The following TNRC6A variants were observed in gnomAD, a reference collection of about 807,000 sequenced individuals.
TNRC6A encodes trinucleotide repeat containing adaptor 6A.
In TNRC6A, 44 loss-of-function variants were observed where a neutral mutation model predicts 221.2. That is an observed-to-expected ratio of 0.20 (90% CI 0.16 to 0.26). The LOEUF is 0.26. Among genes scored for constraint, TNRC6A ranks in the 10% least tolerant of loss-of-function variants. The pLI, the probability that TNRC6A is intolerant of heterozygous loss-of-function variation, is 1.00. For missense variants in TNRC6A, 2,199 were observed against 2,404.4 expected (o/e 0.91, Z 1.79); for synonymous variants, 847 against 838.5 (o/e 1.01, Z -0.18).
At chr16:24,787,766 T>A (rs2058006213) in intron 5 of TNRC6A, among the ~76,000 whole-genome samples, 1 of 152,212 alleles carries the variant, frequency 6.6e-6, no homozygotes, top group Non-Finnish European at 1.5e-5. Flanking sequence ...TTTCCAGATC[T>A]TCTTTTGCTT....
In TNRC6A at chr16:24,730,247, T is replaced by C; in HGVS notation, c.6-6T>C. The stretch of plus-strand genomic sequence containing the variant: ...TTTTGTTTTTGTTTTTGTTTTTTTG[T>C]TTCAGAGAATTGGAAGCTAAAGCTA... On this transcript the variant is annotated splice_region_variant and splice_polypyrimidine_tract_variant and intron_variant, in intron 1 of 24. Coordinates refer to ENST00000395799, the MANE Select transcript of TNRC6A (RefSeq NM_014494.4). The C allele has an allele frequency of 6.2e-7, 1 of 1,601,784 alleles. No homozygotes were observed. Among genetic ancestry groups the C allele is most frequent in the Non-Finnish European group, 8.5e-7 (1 of 1,176,436 alleles).
chr16:24,771,516 C>CATGTTATATGTTATGTT (rs1555502072), intron 4 of TNRC6A, among the ~76,000 whole-genome samples: 2 of 88,048 alleles, frequency 2.3e-5, no homozygotes, highest in Admixed American at 1.3e-4. Context: ...GAGCCTGGTG[C>CATGTTATATGTTATGTT]ATGTTATGTT....
At chr16:24,814,409 C>CTTTTTTTCTTTT (rs1289848452) in intron 18 of TNRC6A, among the ~76,000 whole-genome samples, 1 of 116,766 alleles carries the variant, frequency 8.6e-6, no homozygotes, top group African/African-American at 3.7e-5. Flanking sequence ...TTTTTTTTTT[C>CTTTTTTTCTTTT]TTTTTTTTTT....
At chr16:24,768,465 A>G (rs2057523070) in intron 4 of TNRC6A, among the ~76,000 whole-genome samples, 1 of 151,734 alleles carries the variant, frequency 6.6e-6, no homozygotes, top group Non-Finnish European at 1.5e-5. Flanking sequence ...CTTAATTGCA[A>G]TGAAAGATAC....
In TNRC6A at chr16:24,793,542, G is replaced by A; in HGVS notation, c.3245G>A (p.Gly1082Asp). 6.4e-7 allele frequency: 1 copy of A among 1,569,666 alleles called. No homozygotes were observed. The highest frequency in any genetic ancestry group is 8.6e-7 in the Non-Finnish European group (1 of 1,156,940). The change falls in exon 7 of 25, where the codon GGT becomes GAT. Residue 1082 changes from glycine (G) to aspartate (D), a missense_variant. Physicochemically the swap from Gly to Asp is moderately conservative, Grantham distance 94. Coordinates refer to ENST00000395799, the MANE Select transcript of TNRC6A (RefSeq NM_014494.4). ...GTGGATAATGGTACTTCAGCATGGG[G>A]TAAGCCCATAGACAGTGGTCCCAGC... ...TTVDNGTSAW[G>D]KPIDSGPSWG...
chr16:24,742,297 A>T (rs931530546), intron 2 of TNRC6A, among the ~76,000 whole-genome samples: 9 of 152,230 alleles, frequency 5.9e-5, no homozygotes, highest in African/African-American at 2.2e-4. Flanking sequence ...TTACACACGT[A>T]GATGGTGGAA....
At chr16:24,704,932 A>C (rs145612539) in intron 2 of TNRC6A, among the ~76,000 whole-genome samples, 1,608 of 152,182 alleles carry the variant, frequency 0.011, 33 homozygotes, top group African/African-American at 0.037. Context: ...TGAGGCCAGG[A>C]GTTTAAGACC....
At chr16:24,677,821 T>G (rs2055450372) in intron 2 of TNRC6A, among the ~76,000 whole-genome samples, 1 of 152,208 alleles carries the variant, frequency 6.6e-6, no homozygotes, top group Non-Finnish European at 1.5e-5. Flanking sequence ...GTCTATCACC[T>G]CTTCCCTTGA....
chr16:24,643,533 G>A (rs1378473728), intron 2 of TNRC6A, among the ~76,000 whole-genome samples: 3 of 151,968 alleles, frequency 2.0e-5, no homozygotes, highest in African/African-American at 7.3e-5. Context: ...TCCACTGCAC[G>A]CTCTATTTTC....
At chr16:24,670,202 G>A (rs2055266718) in intron 2 of TNRC6A, among the ~76,000 whole-genome samples, 2 of 151,862 alleles carry the variant, frequency 1.3e-5, no homozygotes, top group South Asian at 2.1e-4. Context: ...CACCCACCTC[G>A]GCCTCCCAAA....
chr16:24,768,313 G>A (rs1335574272), intron 4 of TNRC6A, among the ~76,000 whole-genome samples: 1 of 151,288 alleles, frequency 6.6e-6, no homozygotes, highest in East Asian at 2.0e-4. Context: ...CGCGCCTGTA[G>A]TCCCAGCTAC....
chr16:24,805,063 G>A lies in TNRC6A; in HGVS notation c.4034G>A (p.Arg1345Gln), dbSNP rs769506387. The part of the protein sequence containing the change: ...FGVGNTAAQP[R>Q]GMQQPPAQPL... Reference sequence around the variant, plus strand: ...GTTGGAAACACAGCAGCACAACCCCGGGGCATGCAGCAGCCTCCAGCACAA... The same window carrying A: ...GTTGGAAACACAGCAGCACAACCCCAGGGCATGCAGCAGCCTCCAGCACAA... The change falls in exon 14 of 25, where the codon CGG becomes CAG. Residue 1345 changes from arginine to glutamine, a missense_variant. Arg to Gln is a conservative substitution (Grantham distance 43). This residue lies in a region of TNRC6A where 449 missense variants were observed against 579.7 expected (regional missense o/e 0.77). Transcript: ENST00000395799. 8 of 1,614,116 alleles carry A rather than the reference G, an allele frequency of 5.0e-6. No homozygotes were observed. Among genetic ancestry groups the A allele is most frequent in the South Asian group, 1.1e-5 (1 of 91,078 alleles).
intron 18 of TNRC6A, among the ~76,000 whole-genome samples, chr16:24,812,667 A>T (rs1455646309): frequency 6.6e-6 from 1 of 152,188 alleles, no homozygotes; most frequent in East Asian, 1.9e-4. Flanking sequence ...GCAGTAGGCT[A>T]GGCCATAGGG....
intron 2 of TNRC6A, among the ~76,000 whole-genome samples, chr16:24,649,574 G>A (rs912554156): frequency 2.0e-5 from 3 of 152,022 alleles, no homozygotes; most frequent in Admixed American, 6.6e-5. Flanking sequence ...CTCTCAAAGT[G>A]CTGGGATTAC....
intron 2 of TNRC6A, among the ~76,000 whole-genome samples, chr16:24,683,377 TTG>T (rs938138815): frequency 5.5e-4 from 84 of 152,256 alleles, no homozygotes; most frequent in African/African-American, 1.9e-3. Flanking sequence ...TTAAATTATT[TTG>T]TAGAGACGGA....
At chr16:24,731,584 A>C (rs1358147551) in intron 2 of TNRC6A, among the ~76,000 whole-genome samples, 1 of 152,246 alleles carries the variant, frequency 6.6e-6, no homozygotes, top group Non-Finnish European at 1.5e-5. Flanking sequence ...AAATGTTAAG[A>C]TATGAAACCA....
chr16:24,663,794 A>C, intron 2 of TNRC6A: 1 of 392,348 alleles, frequency 2.5e-6, no homozygotes, highest in Non-Finnish European at 5.2e-6. Context: ...TCCAGAGGTC[A>C]GGCTGATACA....
intron 2 of TNRC6A, among the ~76,000 whole-genome samples, chr16:24,669,941 CTTTTTTTTTT>C (rs535737725): frequency 2.6e-4 from 7 of 27,162 alleles, no homozygotes; most frequent in South Asian, 5.2e-3. Flanking sequence ...GAGGCAGCTA[CTTTTTTTTTT>C]TTTTTTTTTT....
chr16:24,640,731 A>G (rs1199602071), intron 1 of TNRC6A, among the ~76,000 whole-genome samples: 1 of 152,052 alleles, frequency 6.6e-6, no homozygotes, highest in African/African-American at 2.4e-5. Flanking sequence ...AAAAGAAAGA[A>G]AAAAAAGAAA....
Sources: gnomAD v4.1 joint callset for allele counts (sites outside exome capture counted in the v4.1 genomes callset) on GRCh38, gnomAD v4.1.1 for gene constraint, gnomAD v4.1.1 regional missense constraint, MANE v1.5 for transcripts, NCBI Gene and HGNC (gene_info 2026-07-23, HGNC 2026-07-21) for gene names.